Variants in RTN4 observed in about 807,000 individuals in gnomAD.
RTN4 encodes the protein reticulon-4.
A neutral mutation model predicts 90.4 loss-of-function variants in RTN4; 32 were observed. The observed-to-expected ratio is 0.35, with a 90% confidence interval of 0.27 to 0.48. The LOEUF (loss-of-function observed/expected upper bound fraction) is 0.48. Ranked by LOEUF, RTN4 falls within the 20% of genes least tolerant of loss-of-function variation. The pLI is 0.99. For missense variants in RTN4, 1,706 were observed against 1,430.2 expected, an observed-to-expected ratio of 1.19 and a Z score of -3.11; for synonymous variants, 629 against 552.5, an observed-to-expected ratio of 1.14 and a Z score of -1.94.
chr2:55,001,330 A>G (rs754162537), intron 3 of RTN4, among the ~76,000 whole-genome samples: 99 of 152,212 alleles, frequency 6.5e-4, no homozygotes, highest in Non-Finnish European at 1.1e-3. Context: ...ACATAACATG[A>G]ACTAAAAGAT....
chr2:55,095,273 G>A (rs548164421), intron 1 of RTN4, among the ~76,000 whole-genome samples: 4 of 151,844 alleles, frequency 2.6e-5, no homozygotes, highest in South Asian at 2.1e-4. Context: ...GCAGTGAGCC[G>A]AGATCGTGCC....
At chr2:55,110,652 A>T (rs1188338592) in intron 1 of RTN4, among the ~76,000 whole-genome samples, 7 of 152,256 alleles carry the variant, frequency 4.6e-5, no homozygotes, top group Admixed American at 4.6e-4. Flanking sequence ...CCTTTAAAAA[A>T]AACTGTCTCA....
In RTN4 at chr2:55,026,926, C is replaced by T. The variant is rs766746949; in HGVS notation, c.1173G>A (p.Glu391=). The T allele has an allele frequency of 1.6e-5, 26 of 1,613,592 alleles. No individual in the cohort carries two copies. The highest frequency in any genetic ancestry group is 2.2e-5 in the South Asian group (2 of 91,084). ...TACTATCTTTCACTTCCCATACTCG[C>T]TCAAATGGTTTGAAGTCTGCATATT... ...REEYADFKPF[E]RVWEVKDSKE... is the part of the protein sequence containing the mutation. The change falls in exon 3 of 9, where the codon GAG becomes GAA. Residue 391 remains glutamate, a synonymous_variant. Transcript: ENST00000337526.
At chr2:55,102,733 A>G (rs1326839059) in intron 1 of RTN4, among the ~76,000 whole-genome samples, 2 of 152,112 alleles carry the variant, frequency 1.3e-5, no homozygotes, top group Non-Finnish European at 2.9e-5. Context: ...AGATTTATAA[A>G]ACAAAACTCT....
intron 1 of RTN4, among the ~76,000 whole-genome samples, chr2:55,082,796 T>G (rs1249511280): frequency 6.6e-6 from 1 of 152,232 alleles, no homozygotes; most frequent in East Asian, 1.9e-4. Context: ...TTATCTCACT[T>G]AATCGTTACA....
intron 1 of RTN4, among the ~76,000 whole-genome samples, chr2:55,087,590 T>TCTTGTTGATGGCCACTCAG (rs1298562277): frequency 1.3e-5 from 2 of 152,188 alleles, no homozygotes; most frequent in Admixed American, 1.3e-4. Flanking sequence ...CAAGTCTGAA[T>TCTTGTTGATGGCCACTCAG]CTTGTTGATG....
chr2:55,036,303 T>A (rs963382092), intron 1 of RTN4, among the ~76,000 whole-genome samples: 9 of 152,034 alleles, frequency 5.9e-5, no homozygotes, highest in African/African-American at 2.2e-4. Context: ...TGGTTTAACA[T>A]TCAAAATCAA....
upstream of RTN4, among the ~76,000 whole-genome samples, chr2:55,114,892 G>A (rs548856499): frequency 6.6e-6 from 1 of 152,122 alleles, no homozygotes; most frequent in Non-Finnish European, 1.5e-5. Context: ...TCACTAGAGG[G>A]TGCATCAGCT....
At chr2:55,135,154 T>C in the RTN4 span, among the ~76,000 whole-genome samples, 3 of 152,004 alleles carry the variant, frequency 2.0e-5, no homozygotes, top group African/African-American at 7.2e-5. Flanking sequence ...ACAAAAATAA[T>C]AGTTTTAAAA....
At chr2:55,040,377 T>C (rs937521054) in intron 1 of RTN4, among the ~76,000 whole-genome samples, 4 of 152,036 alleles carry the variant, frequency 2.6e-5, no homozygotes, top group African/African-American at 9.7e-5. Context: ...CAGAAGAGAA[T>C]AAATAAAAGT....
chr2:55,135,356 A>T, the RTN4 span, among the ~76,000 whole-genome samples: 1 of 151,688 alleles, frequency 6.6e-6, no homozygotes, highest in East Asian at 1.9e-4. Flanking sequence ...ACACGTGCAC[A>T]CCACCATTCC....
rs749901128 is a variant in RTN4 at position 55,050,094 on chromosome 2, G to A, written c.207C>T (p.Pro69=). The A allele has an allele frequency of 5.4e-6, 8 of 1,474,810 alleles. No individual in the cohort carries two copies. Among genetic ancestry groups the A allele is most frequent in the Non-Finnish European group, 6.3e-6 (7 of 1,117,868 alleles). 91.4% of individuals were successfully genotyped at this position (1,474,810 alleles called of 1,614,324 possible). ...GGGGCGCGCCGGCGGCAGGGGCGGT[G>A]GGCACTGGGGCCGCGGACAGCCCGG... ...PAAGLSAAPV[P]TAPAAGAPLM... is the part of the protein sequence containing the mutation. Residue 69 remains proline, a synonymous_variant, in exon 1 of 9, where the codon CCC becomes CCT. Coordinates refer to ENST00000337526, the MANE Select transcript of RTN4 (RefSeq NM_020532.5). The surrounding 1 kb of genome is among the most constrained non-coding windows in gnomAD (Gnocchi z 4.6).
At chr2:55,082,988 A>G (rs955404358) in intron 1 of RTN4, among the ~76,000 whole-genome samples, 1 of 152,210 alleles carries the variant, frequency 6.6e-6, no homozygotes, top group Non-Finnish European at 1.5e-5. Context: ...ATTCAAACTC[A>G]GGTCTAAAGC....
chr2:55,097,364 G>A (rs76491997), intron 1 of RTN4, among the ~76,000 whole-genome samples: 14 of 151,922 alleles, frequency 9.2e-5, no homozygotes, highest in African/African-American at 3.4e-4. Flanking sequence ...TTCTGGGGTT[G>A]GGGGGAAAGC....
chr2:55,044,353 T>G (rs1200756246), intron 1 of RTN4, among the ~76,000 whole-genome samples: 2 of 151,984 alleles, frequency 1.3e-5, no homozygotes, highest in African/African-American at 4.8e-5. Flanking sequence ...ATCATGCCAC[T>G]GCACTCCAGC....
chr2:55,075,784 C>T (rs1668588825), intron 2 of RTN4, among the ~76,000 whole-genome samples: 1 of 152,076 alleles, frequency 6.6e-6, no homozygotes, highest in African/African-American at 2.4e-5. Context: ...ATAAATAAAG[C>T]CAAATATTTA....
chr2:55,064,267 A>G (rs559141360), intron 2 of RTN4, among the ~76,000 whole-genome samples: 3 of 152,118 alleles, frequency 2.0e-5, no homozygotes, highest in South Asian at 2.1e-4. Flanking sequence ...TTTATTTTCA[A>G]AAGAAACATC....
At chr2:55,029,559 CA>C (rs1682154858) in intron 1 of RTN4, among the ~76,000 whole-genome samples, 1 of 152,092 alleles carries the variant, frequency 6.6e-6, no homozygotes, top group Non-Finnish European at 1.5e-5. Context: ...CAAGGCTGAT[CA>C]AAACAGATAA....
At chr2:55,020,781 G>A (rs909262881) in intron 3 of RTN4, among the ~76,000 whole-genome samples, 2 of 152,082 alleles carry the variant, frequency 1.3e-5, no homozygotes, top group African/African-American at 4.8e-5. Flanking sequence ...AGGCAGAGGC[G>A]GGAGGATCCT....
Sources: gnomAD v4.1 joint callset for allele counts (sites outside exome capture counted in the v4.1 genomes callset) on GRCh38, gnomAD v4.1.1 for gene constraint, Gnocchi (gnomAD v3.1) non-coding constraint, MANE v1.5 for transcripts, NCBI Gene and HGNC (gene_info 2026-07-23, HGNC 2026-07-21) for gene names.